Variants in PLAT observed in about 807,000 individuals in gnomAD.
PLAT encodes plasminogen activator, tissue type.
In PLAT, 48 loss-of-function variants were observed where a neutral mutation model predicts 74.9. The ratio of observed to expected loss-of-function variants is 0.64; its 90% CI spans 0.51 to 0.82. PLAT has a LOEUF of 0.82. Among genes scored for constraint, PLAT ranks in the 40% least tolerant of loss-of-function variants. The pLI is 0.00. For synonymous variants in PLAT, 307 were observed against 294.4 expected (o/e 1.04, Z -0.44); for missense variants, 673 against 736.2 (o/e 0.91, Z 0.99).
intron 7 of PLAT, among the ~76,000 whole-genome samples, chr8:42,184,384 G>A (rs906749697): frequency 1.3e-5 from 2 of 151,530 alleles, no homozygotes; most frequent in African/African-American, 4.8e-5. Context: ...TTTTGAAACA[G>A]TTTTTTGTTC....
intron 13 of PLAT, among the ~76,000 whole-genome samples, chr8:42,178,456 G>T (rs1388642583): frequency 2.0e-5 from 3 of 152,088 alleles, no homozygotes; most frequent in African/African-American, 7.2e-5. Flanking sequence ...TTTTAGTAGA[G>T]ATGGGGTTTC....
At chr8:42,191,540 TA>T (rs1193941922) in intron 2 of PLAT, 126 bp from the exon 3 acceptor site, 2 of 772,844 alleles carry the variant, frequency 2.6e-6, no homozygotes, top group Non-Finnish European at 4.6e-6. Flanking sequence ...CCCCCTCGGG[TA>T]ACTGGCCCAA....
intron 9 of PLAT, among the ~76,000 whole-genome samples, chr8:42,181,677 C>T (rs912386849): frequency 3.3e-5 from 5 of 152,296 alleles, no homozygotes; most frequent in South Asian, 2.1e-4. Context: ...TAGAGAGAGC[C>T]GGGTAGAGCC....
chr8:42,179,632 C>T (rs1053787454), intron 12 of PLAT, among the ~76,000 whole-genome samples: 5 of 152,202 alleles, frequency 3.3e-5, no homozygotes, highest in South Asian at 2.1e-4. Flanking sequence ...CTTTGTAACT[C>T]CAGCTTCCCA....
chr8:42,187,159 CTATT>C (rs1206300042), intron 6 of PLAT: 6 of 414,106 alleles, frequency 1.4e-5, no homozygotes, highest in African/African-American at 5.9e-5. Flanking sequence ...CATCTACCGT[CTATT>C]TATCATCTAT....
chr8:42,176,648 G>A (rs8178800), intron 13 of PLAT, among the ~76,000 whole-genome samples: 1 of 152,230 alleles, frequency 6.6e-6, no homozygotes. Context: ...AAACTGTGAG[G>A]TGTGGAGGCA....
intron 1 of PLAT, among the ~76,000 whole-genome samples, chr8:42,199,858 A>C (rs944954473): frequency 6.6e-6 from 1 of 152,228 alleles, no homozygotes; most frequent in African/African-American, 2.4e-5. Context: ...AATCGAAATG[A>C]ATGTCATCTT....
chr8:42,192,969 C>A, intron 2 of PLAT, 145 bp downstream of exon 2: 1 of 632,420 alleles, frequency 1.6e-6, no homozygotes, highest in South Asian at 1.8e-5. Context: ...CTGTGTGCTC[C>A]ACAGCAATGC....
rs557377668 is a variant in PLAT, at chr8:42,179,025, C to A, written c.1402G>T (p.Val468Phe). 3 of 1,613,390 alleles carry A rather than the reference C, an allele frequency of 1.9e-6. No homozygotes were observed. The African/African-American group carries it at 4.0e-5, about 22-fold the overall frequency. ...FYSERLKEAH[V>F]RLYPSSRCTS... ...CAGCGGCTGGATGGGTACAGTCTGA[C>A]ATGAGCCTCCTTCAGCCGCTCCGAA... is the stretch of plus-strand genomic sequence containing the variant. Residue 468 changes from valine (V) to phenylalanine (F), a missense_variant, in exon 13 of 14, where the codon GTC (valine) becomes TTC (phenylalanine). By Grantham distance (50) the Val-to-Phe change is conservative. Transcript: ENST00000220809.
chr8:42,207,198 C>A (rs963407451), intron 1 of PLAT, among the ~76,000 whole-genome samples: 16 of 152,154 alleles, frequency 1.1e-4, no homozygotes, highest in African/African-American at 3.6e-4. Flanking sequence ...TTTTCTGTAT[C>A]GTTCTTTTCA....
intron 13 of PLAT, among the ~76,000 whole-genome samples, chr8:42,176,707 A>G (rs1354543919): frequency 6.6e-6 from 1 of 152,248 alleles, no homozygotes; most frequent in Non-Finnish European, 1.5e-5. Flanking sequence ...TCATGGTAGT[A>G]AGAGGTGTTC....
chr8:42,184,072 C>G (rs559029608), intron 7 of PLAT, among the ~76,000 whole-genome samples: 2 of 151,976 alleles, frequency 1.3e-5, no homozygotes, highest in African/African-American at 4.8e-5. Flanking sequence ...TCCCAAGCAG[C>G]TGGGACCATA....
At chr8:42,203,342 C>G (rs1806205631) in intron 1 of PLAT, among the ~76,000 whole-genome samples, 2 of 152,162 alleles carry the variant, frequency 1.3e-5, no homozygotes, top group Non-Finnish European at 2.9e-5. Context: ...GCCTGTTAGC[C>G]AAGTCGCTGC....
intron 7 of PLAT, 40 bp downstream of exon 7, chr8:42,185,041 C>T (rs1563256341): frequency 1.6e-5 from 22 of 1,403,518 alleles, no homozygotes; most frequent in Non-Finnish European, 2.2e-5. Context: ...CTTTCCTCCC[C>T]CAGGGACATT....
intron 4 of PLAT, chr8:42,188,277 G>A: frequency 2.5e-6 from 1 of 404,130 alleles, no homozygotes. Flanking sequence ...CAAGGATGAT[G>A]TGAGTTAAAA....
intron 1 of PLAT, among the ~76,000 whole-genome samples, chr8:42,195,329 C>T (rs536053086): frequency 3.3e-5 from 5 of 152,296 alleles, no homozygotes; most frequent in African/African-American, 7.2e-5. Flanking sequence ...AGGGAGAGGG[C>T]GAGGGAAACC....
intron 2 of PLAT, among the ~76,000 whole-genome samples, chr8:42,192,872 G>A (rs908013702): frequency 2.0e-5 from 3 of 152,122 alleles, no homozygotes; most frequent in South Asian, 2.1e-4. Flanking sequence ...TGTTAATTCC[G>A]CTTACTCAGG....
intron 1 of PLAT, among the ~76,000 whole-genome samples, chr8:42,204,186 C>A (rs760319452): frequency 1.8e-4 from 27 of 151,838 alleles, no homozygotes; most frequent in Non-Finnish European, 2.1e-4. Flanking sequence ...CTAAATCATC[C>A]TCACTCTTTT....
chr8:42,195,830 T>C (rs1805883926), intron 1 of PLAT: 1 of 152,190 alleles, frequency 6.6e-6, no homozygotes, highest in African/African-American at 2.4e-5. Flanking sequence ...CACTCCTTAC[T>C]CTTAAGCAAG....
Sources: gnomAD v4.1 joint callset for allele counts (sites outside exome capture counted in the v4.1 genomes callset) on GRCh38, gnomAD v4.1.1 for gene constraint, MANE v1.5 for transcripts, NCBI Gene and HGNC (gene_info 2026-07-23, HGNC 2026-07-21) for gene names.